PKNOX2: variants seen among roughly 807,000 people sequenced by gnomAD.
The protein encoded by PKNOX2 is PBX/knotted 1 homeobox 2, also known as homeobox protein PKNOX2.
PKNOX2 carries 14 observed loss-of-function variants against 53.1 expected under a neutral mutation model. That is an observed-to-expected ratio of 0.26 (90% CI 0.17 to 0.41). PKNOX2 has a LOEUF of 0.41. Ranked by LOEUF, PKNOX2 falls within the 10% of genes least tolerant of loss-of-function variation. PKNOX2 has a pLI of 1.00. For missense variants in PKNOX2, 496 were observed against 602.8 expected (o/e 0.82, Z 1.85); for synonymous variants, 257 against 242.8 (o/e 1.06, Z -0.54).
At chr11:125,331,531 G>A (rs2136110055) in intron 2 of PKNOX2, 2 of 152,510 alleles carry the variant, frequency 1.3e-5, no homozygotes, top group Admixed American at 1.3e-4. Flanking sequence ...TCCACACTTG[G>A]GGGAGAGGGC....
At chr11:125,218,310 GA>G (rs1469466447) in intron 1 of PKNOX2, among the ~76,000 whole-genome samples, 34 of 152,002 alleles carry the variant, frequency 2.2e-4, no homozygotes, top group Non-Finnish European at 7.4e-5. Context: ...AACTCATGGG[GA>G]AGTGAGTGGG....
In PKNOX2 at chr11:125,166,021, A is replaced by C. The variant is rs2135153009; in HGVS notation, c.-201+1245A>C. 6.6e-6 allele frequency among the ~76,000 whole-genome samples: 1 copy of C among 152,020 alleles called. No homozygotes were observed. The highest frequency in any genetic ancestry group is 2.1e-4 in the South Asian group (1 of 4,802). On this transcript the variant is annotated intron_variant, in intron 1 of 12. Coordinates refer to ENST00000298282, the MANE Select transcript of PKNOX2 (RefSeq NM_001382323.2). This position sits in a 1 kb window ranked among gnomAD's most constrained non-coding sequence, Gnocchi z 4.0. The stretch of plus-strand genomic sequence containing the variant: ...AGACTCGGGTTGGGAATTGAGGGGT[A>C]GGGGCTTGTGGATCGGCCTGAATTA...
intron 10 of PKNOX2, among the ~76,000 whole-genome samples, chr11:125,415,287 C>T (rs1398230355): frequency 6.9e-6 from 1 of 144,902 alleles, no homozygotes; most frequent in Non-Finnish European, 1.5e-5. Flanking sequence ...CTCTGTTGCC[C>T]AGGCTGGAAT....
chr11:125,331,532 G>A (rs1415271907), intron 2 of PKNOX2: 2 of 152,404 alleles, frequency 1.3e-5, no homozygotes, highest in Non-Finnish European at 2.9e-5. Context: ...CCACACTTGG[G>A]GGAGAGGGCC....
intron 5 of PKNOX2, among the ~76,000 whole-genome samples, chr11:125,381,981 C>T (rs1009050998): frequency 1.3e-5 from 2 of 152,196 alleles, no homozygotes; most frequent in Non-Finnish European, 2.9e-5. Context: ...CAGAGGAGAT[C>T]ACCCTCCTCT....
intron 1 of PKNOX2, among the ~76,000 whole-genome samples, chr11:125,219,509 A>G (rs1940908478): frequency 6.6e-6 from 1 of 152,178 alleles, no homozygotes; most frequent in African/African-American, 2.4e-5. Flanking sequence ...TACAACTCAT[A>G]TCACAGGGCT....
At position 125,431,717 on chromosome 11, in the gene PKNOX2, C is replaced by T. The variant is rs555207341; in HGVS notation, c.*325C>T. ...AGATGGCACCCATGGCCCCCACCCACGGAAGGACTTGAGTTGTTTACAAGC... is the reference window on the plus strand; with the variant it reads ...AGATGGCACCCATGGCCCCCACCCATGGAAGGACTTGAGTTGTTTACAAGC... On this transcript the variant is annotated 3_prime_UTR_variant, in exon 13 of 13. Transcript: ENST00000298282. 89 of 341,826 alleles carry T rather than the reference C, an allele frequency of 2.6e-4. No homozygotes were observed. The highest frequency in any genetic ancestry group is 1.7e-3 in the African/African-American group (83 of 48,488). 21.2% of individuals were successfully genotyped at this position (341,826 alleles called of 1,614,324 possible).
At chr11:125,342,786 C>T (rs1172933410) in intron 3 of PKNOX2, among the ~76,000 whole-genome samples, 2 of 143,848 alleles carry the variant, frequency 1.4e-5, no homozygotes, top group Non-Finnish European at 3.1e-5. Flanking sequence ...AGGGGCGGGC[C>T]GGGGCTCCCA....
intron 4 of PKNOX2, among the ~76,000 whole-genome samples, chr11:125,367,108 A>T (rs894347238): frequency 7.9e-5 from 12 of 152,090 alleles, no homozygotes; most frequent in Non-Finnish European, 1.3e-4. Flanking sequence ...GTGATGGTTT[A>T]AAAAAAATGT....
At chr11:125,216,040 A>G (rs965628755) in intron 1 of PKNOX2, among the ~76,000 whole-genome samples, 1 of 152,248 alleles carries the variant, frequency 6.6e-6, no homozygotes, top group Admixed American at 6.5e-5. Context: ...GATTGATTTC[A>G]GAACACTAGA....
intron 2 of PKNOX2, among the ~76,000 whole-genome samples, chr11:125,305,357 A>T (rs1190055509): frequency 2.6e-5 from 4 of 152,158 alleles, no homozygotes; most frequent in Non-Finnish European, 2.9e-5. Context: ...ACCCAACCAC[A>T]CTGACCTGCT....
At chr11:125,414,515 G>T (rs1955765157) in intron 10 of PKNOX2, among the ~76,000 whole-genome samples, 2 of 152,310 alleles carry the variant, frequency 1.3e-5, no homozygotes, top group Admixed American at 1.3e-4. Flanking sequence ...AGTCCAGGCT[G>T]CTCTAGGGAA....
At chr11:125,259,099 C>T (rs1944634058) in intron 2 of PKNOX2, 1 of 158,734 alleles carries the variant, frequency 6.3e-6, no homozygotes, top group South Asian at 1.7e-4. Flanking sequence ...AGTATTCATT[C>T]TCGGTCATGA....
chr11:125,309,644 T>C (rs530665881), intron 2 of PKNOX2, among the ~76,000 whole-genome samples: 77 of 152,264 alleles, frequency 5.1e-4, no homozygotes, highest in African/African-American at 1.8e-3. Flanking sequence ...CGCCTTGGCC[T>C]TCCAAAGTGC....
At position 125,352,572 on chromosome 11, in the gene PKNOX2, G is replaced by A. The variant is rs1951380868; in HGVS notation, c.87+1180G>A. Reference sequence around the variant, plus strand: ...GGCCCTGATGCCTCCAGCCTAGTGGGAGCATGTAGTAGCTGCTTTATACAT... The same window carrying A: ...GGCCCTGATGCCTCCAGCCTAGTGGAAGCATGTAGTAGCTGCTTTATACAT... On this transcript the variant is annotated intron_variant, in intron 4 of 12. Coordinates refer to ENST00000298282, the MANE Select transcript of PKNOX2 (RefSeq NM_001382323.2). This position sits in a 1 kb window ranked among gnomAD's most constrained non-coding sequence, Gnocchi z 4.1. Among the ~76,000 whole-genome samples the A allele has an allele frequency of 6.6e-6, 1 of 152,184 alleles. No individual in the cohort carries two copies. The highest frequency in any genetic ancestry group is 1.5e-5 in the Non-Finnish European group (1 of 68,046).
chr11:125,218,293 G>A (rs527657703), intron 1 of PKNOX2, among the ~76,000 whole-genome samples: 19 of 151,940 alleles, frequency 1.3e-4, no homozygotes, highest in African/African-American at 1.9e-4. Context: ...TGTCCCTGCC[G>A]TCAAGGAACT....
At chr11:125,248,114 G>A (rs1465087403) in intron 2 of PKNOX2, among the ~76,000 whole-genome samples, 1 of 152,156 alleles carries the variant, frequency 6.6e-6, no homozygotes, top group Non-Finnish European at 1.5e-5. Context: ...CTGGCTCTTG[G>A]CAAGTGCTGA....
intron 10 of PKNOX2, among the ~76,000 whole-genome samples, chr11:125,417,968 G>A (rs1195418325): frequency 6.6e-6 from 1 of 152,006 alleles, no homozygotes; most frequent in Non-Finnish European, 1.5e-5. Flanking sequence ...AAAACACCCA[G>A]GGCCTTCTCT....
At chr11:125,318,660 A>G (rs1949348255) in intron 2 of PKNOX2, among the ~76,000 whole-genome samples, 1 of 152,194 alleles carries the variant, frequency 6.6e-6, no homozygotes, top group Admixed American at 6.5e-5. Context: ...TGAATTCACA[A>G]CTTGGCTGTT....
Sources: allele counts gnomAD v4.1 joint callset (sites outside exome capture counted in the v4.1 genomes callset), GRCh38; gene constraint gnomAD v4.1.1; non-coding constraint Gnocchi (gnomAD v3.1); transcripts MANE v1.5; gene names NCBI Gene and HGNC (gene_info 2026-07-23, HGNC 2026-07-21).